FOXN1: variants seen among roughly 807,000 people sequenced by gnomAD.
FOXN1 encodes the protein forkhead box N1, also known as forkhead box protein N1.
In FOXN1, 15 loss-of-function variants were observed where a neutral mutation model predicts 49.0. That is an observed-to-expected ratio of 0.31 (90% CI 0.20 to 0.47). The LOEUF is 0.47. Among genes scored for constraint, FOXN1 ranks in the 20% least tolerant of loss-of-function variants. FOXN1 has a pLI of 1.00. For synonymous variants in FOXN1, 356 were observed against 369.0 expected, an observed-to-expected ratio of 0.96 and a Z score of 0.40; for missense variants, 800 against 842.8, an observed-to-expected ratio of 0.95 and a Z score of 0.63.
rs1567606429 is a variant in FOXN1, at chr17:28,537,723, A to G, written c.*287A>G. On this transcript the variant is annotated 3_prime_UTR_variant, in exon 9 of 9. Transcript: ENST00000579795. Reference sequence around the variant, plus strand: ...CCCTGTCCCTAGCTCACACTCATCCACACTTAAGCCCTCGTGCACACACAC... The same window carrying G: ...CCCTGTCCCTAGCTCACACTCATCCGCACTTAAGCCCTCGTGCACACACAC... 1.8e-6 allele frequency: 1 copy of G among 551,466 alleles called. No homozygotes were observed. Among genetic ancestry groups the G allele is most frequent in the Non-Finnish European group, 3.3e-6 (1 of 304,494 alleles). 34.2% of individuals were successfully genotyped at this position (551,466 alleles called of 1,614,324 possible).
rs2070023678 is a variant in FOXN1 at position 28,535,024 on chromosome 17, C to T, written c.1453C>T (p.Pro485Ser). 6.2e-7 allele frequency: 1 copy of T among 1,613,612 alleles called. No homozygotes were observed. The highest frequency in any genetic ancestry group is 1.3e-5 in the African/African-American group (1 of 75,062). The change falls in exon 8 of 9, where the codon CCA (proline) becomes TCA (serine). Residue 485 changes from proline to serine, a missense_variant. Around this residue, in one of 3 missense-constraint regions of FOXN1, gnomAD observed 344 missense variants for 366.1 expected, o/e 0.94. Coordinates refer to ENST00000579795, the MANE Select transcript of FOXN1 (RefSeq NM_001369369.1). ...PDGHLELRAQPGTPQDSPLPA... is the reference protein window; with the variant it reads ...PDGHLELRAQSGTPQDSPLPA... ...CGGGCACCTTGAGCTGCGGGCCCAG[C>T]CAGGCACCCCCCAGGACTCGCCTCT...
chr17:28,538,241 T>C lies in FOXN1; in HGVS notation c.*805T>C, dbSNP rs1335376451. 2.0e-5 allele frequency: 3 copies of C among 152,134 alleles called. No individual in the cohort carries two copies. The highest frequency in any genetic ancestry group is 7.2e-5 in the African/African-American group (3 of 41,396). 9.4% of individuals were successfully genotyped at this position (152,134 alleles called of 1,614,324 possible). ...CCCTCGGAAACTTGAACATGTCCTTTTTCCCCAGTCCCGGGTGCAGGAAGG... is the reference window on the plus strand; with the variant it reads ...CCCTCGGAAACTTGAACATGTCCTTCTTCCCCAGTCCCGGGTGCAGGAAGG... On this transcript the variant is annotated 3_prime_UTR_variant, in exon 9 of 9. Transcript: ENST00000579795.
chr17:28,519,863 T>C (rs1009179308), intron 1 of FOXN1, among the ~76,000 whole-genome samples: 6 of 152,012 alleles, frequency 3.9e-5, no homozygotes, highest in African/African-American at 1.5e-4. Context: ...GAGAGGACAA[T>C]GTCAAGGACC....
chr17:28,529,101 C>A lies in FOXN1; in HGVS notation c.707C>A (p.Pro236Gln), dbSNP rs1478261889. ...CCCTTTTGACCTCCTCAGTACTCGC[C>A]AGGTGGTGGCAGCTACCCCATACCC... ...SSQPPFHQYS[P>Q]GGGSYPIPYL... is the part of the protein sequence containing the mutation. Residue 236 changes from proline (P) to glutamine (Q), a missense_variant, in exon 5 of 9, where the codon CCA becomes CAA. Around this residue, in one of 3 missense-constraint regions of FOXN1, gnomAD observed 383 missense variants for 357.9 expected, o/e 1.07. Coordinates refer to ENST00000579795, the MANE Select transcript of FOXN1 (RefSeq NM_001369369.1). 7 of 1,614,154 alleles carry A rather than the reference C, an allele frequency of 4.3e-6. No homozygotes were observed. In the East Asian group the frequency reaches 1.6e-4, roughly 36 times the overall value.
At chr17:28,522,759 AC>A (rs113822119) in intron 1 of FOXN1, among the ~76,000 whole-genome samples, 86 of 151,952 alleles carry the variant, frequency 5.7e-4, no homozygotes, top group African/African-American at 1.9e-3. Context: ...AGTTGCTTGA[AC>A]CCGGGAGGCA....
intron 3 of FOXN1, 89 bp from the exon 4 acceptor site, chr17:28,527,162 G>A (rs936544831): frequency 1.2e-6 from 1 of 812,032 alleles, no homozygotes; most frequent in Non-Finnish European, 2.1e-6. Context: ...AAGCAGAATA[G>A]GGGTTGCTTT....
Position 28,524,583 on chromosome 17 carries a change from C to T in FOXN1, c.204C>T (p.Pro68=). The T allele has an allele frequency of 3.7e-6, 6 of 1,613,658 alleles. No homozygotes were observed. The highest frequency in any genetic ancestry group is 4.5e-5 in the East Asian group (2 of 44,872). ...CACCCTCACTGCCCCCACACAGCCC[C>T]CGCATTGCGTCACCAGGGCCCGAGC... is the stretch of plus-strand genomic sequence containing the variant. ...ERTPSLPPHS[P]RIASPGPEQV... is the part of the protein sequence containing the mutation. The change falls in exon 3 of 9, where the codon CCC becomes CCT. Residue 68 remains proline, a synonymous_variant. Coordinates refer to ENST00000579795, the MANE Select transcript of FOXN1 (RefSeq NM_001369369.1).
intron 1 of FOXN1, among the ~76,000 whole-genome samples, chr17:28,518,573 C>T (rs2069578444): frequency 6.6e-6 from 1 of 152,198 alleles, no homozygotes; most frequent in Non-Finnish European, 1.5e-5. Context: ...TGGGAAATTT[C>T]TCACTCGTCA....
At chr17:28,519,007 T>C (rs184272711) in intron 1 of FOXN1, among the ~76,000 whole-genome samples, 1 of 152,318 alleles carries the variant, frequency 6.6e-6, no homozygotes, top group African/African-American at 2.4e-5. Context: ...CTAATTTCCA[T>C]GGGCAAATAC....
chr17:28,510,923 C>G (rs1364012828), intron 1 of FOXN1, among the ~76,000 whole-genome samples: 1 of 152,216 alleles, frequency 6.6e-6, no homozygotes, highest in Non-Finnish European at 1.5e-5. Context: ...AGAAAGATGG[C>G]AGCTGGAGCC....
intron 6 of FOXN1, among the ~76,000 whole-genome samples, chr17:28,532,538 C>T (rs1312653097): frequency 2.6e-5 from 4 of 152,206 alleles, no homozygotes; most frequent in East Asian, 1.9e-4. Flanking sequence ...GGGTCAGATC[C>T]GTTGGCACAT....
intron 1 of FOXN1, among the ~76,000 whole-genome samples, chr17:28,509,427 C>A (rs12453704): frequency 0.14 from 20,922 of 152,042 alleles, 1,718 homozygotes; most frequent in East Asian, 0.27. Context: ...CCCATCTCCA[C>A]CTCCTGCTCC....
At chr17:28,507,847 C>A (rs2069297070) in intron 1 of FOXN1, among the ~76,000 whole-genome samples, 1 of 152,236 alleles carries the variant, frequency 6.6e-6, no homozygotes, top group Non-Finnish European at 1.5e-5. Flanking sequence ...GCCTCCTATC[C>A]TGGTCCCTTT....
chr17:28,517,184 A>G (rs1597539226), intron 1 of FOXN1, among the ~76,000 whole-genome samples: 1 of 134,914 alleles, frequency 7.4e-6, no homozygotes, highest in Non-Finnish European at 1.6e-5. Context: ...CAGGGTACAC[A>G]CCTCCACAGG....
rs767213983 is a variant in FOXN1 at position 28,534,510 on chromosome 17, T to C, written c.1107T>C (p.Ile369=). The C allele has an allele frequency of 6.2e-7, 1 of 1,613,034 alleles. No individual in the cohort carries two copies. The highest frequency in any genetic ancestry group is 8.5e-7 in the Non-Finnish European group (1 of 1,179,876). The change falls in exon 7 of 9, where the codon ATT becomes ATC. Residue 369 remains isoleucine, a synonymous_variant. Coordinates refer to ENST00000579795, the MANE Select transcript of FOXN1 (RefSeq NM_001369369.1). The surrounding 1 kb of genome is among the most constrained non-coding windows in gnomAD (Gnocchi z 4.1). The part of the protein sequence containing the change: ...ELQKWKRKDP[I]AVRKSMAKPE... ...AAAAATGGAAGAGGAAAGATCCCAT[T>C]GCTGTGCGCAAAAGCATGGCCAAGC...
chr17:28,526,328 C>T (rs1044183793), intron 3 of FOXN1, among the ~76,000 whole-genome samples: 2 of 152,244 alleles, frequency 1.3e-5, no homozygotes, highest in African/African-American at 2.4e-5. Flanking sequence ...TCAACAACCC[C>T]AGGGCACACC....
In FOXN1 at chr17:28,537,456, G is replaced by A; in HGVS notation, c.*20G>A. On this transcript the variant is annotated 3_prime_UTR_variant, in exon 9 of 9. Coordinates refer to ENST00000579795, the MANE Select transcript of FOXN1 (RefSeq NM_001369369.1). ...GCATGAGCTGTGCCCAGCTTCGTCAGCTCCAGCGTTTGCCTGGTCTGGAAG... is the reference window on the plus strand; with the variant it reads ...GCATGAGCTGTGCCCAGCTTCGTCAACTCCAGCGTTTGCCTGGTCTGGAAG... 6.3e-7 allele frequency: 1 copy of A among 1,597,530 alleles called. No homozygotes were observed. Among genetic ancestry groups the A allele is most frequent in the Non-Finnish European group, 8.6e-7 (1 of 1,165,694 alleles).
intron 6 of FOXN1, among the ~76,000 whole-genome samples, chr17:28,532,275 T>C (rs2069933688): frequency 6.6e-6 from 1 of 152,332 alleles, no homozygotes; most frequent in Non-Finnish European, 1.5e-5. Context: ...AGCTTTTTGT[T>C]CCCTTTGGTT....
intron 1 of FOXN1, among the ~76,000 whole-genome samples, chr17:28,508,239 G>A (rs1317470941): frequency 6.6e-6 from 1 of 152,184 alleles, no homozygotes; most frequent in South Asian, 2.1e-4. Flanking sequence ...GAAAAATTAG[G>A]GGGCTTAGGA....
Sources: gnomAD v4.1 joint callset for allele counts (sites outside exome capture counted in the v4.1 genomes callset) on GRCh38, gnomAD v4.1.1 for gene constraint, gnomAD v4.1.1 regional missense constraint, Gnocchi (gnomAD v3.1) non-coding constraint, MANE v1.5 for transcripts, NCBI Gene and HGNC (gene_info 2026-07-23, HGNC 2026-07-21) for gene names.